CLU: variants seen among roughly 807,000 people sequenced by gnomAD.
CLU encodes clusterin.
CLU carries 25 observed loss-of-function variants against 46.4 expected under a neutral mutation model. That is an observed-to-expected ratio of 0.54 (90% CI 0.39 to 0.75). The LOEUF (loss-of-function observed/expected upper bound fraction) is 0.75, where lower values mean the gene tolerates loss of function less well. CLU is among the 30% of genes least tolerant of loss of function. The pLI, the probability that CLU is intolerant of heterozygous loss-of-function variation, is 0.00. For missense variants in CLU, 504 were observed against 592.1 expected (o/e 0.85, Z 1.54); for synonymous variants, 235 against 235.1 (o/e 1.00, Z 0.00).
At chr8:27,606,280 G>A (rs895787992) in intron 4 of CLU, 74 bp downstream of exon 4, 1 of 1,536,352 alleles carries the variant, frequency 6.5e-7, no homozygotes, top group Non-Finnish European at 9.0e-7. Context: ...CTGGCATGCG[G>A]AATGAAGCAT....
chr8:27,602,780 T>C (rs1379085526), intron 6 of CLU, among the ~76,000 whole-genome samples: 3 of 152,028 alleles, frequency 2.0e-5, no homozygotes, highest in Non-Finnish European at 4.4e-5. Flanking sequence ...AGAATCTATC[T>C]CAGGTCAGGC....
At chr8:27,601,666 A>G (rs1205867405) in intron 6 of CLU, among the ~76,000 whole-genome samples, 1 of 152,246 alleles carries the variant, frequency 6.6e-6, no homozygotes, top group African/African-American at 2.4e-5. Flanking sequence ...GAGATTTTGC[A>G]TATGCTTTAG....
At chr8:27,610,695 C>T in intron 1 of CLU, 95 bp from the exon 2 acceptor site, 2 of 890,432 alleles carry the variant, frequency 2.2e-6, no homozygotes, top group Non-Finnish European at 3.8e-6. Flanking sequence ...GGCCTCACTG[C>T]CCTCAGCTGT....
At chr8:27,604,513 C>T in intron 5 of CLU, 118 bp from the exon 6 acceptor site, 5 of 891,788 alleles carry the variant, frequency 5.6e-6, no homozygotes, top group Non-Finnish European at 8.9e-6. Context: ...CACTCTGTTG[C>T]CCAGGCTGGA....
chr8:27,608,898 GGATGGT>G, intron 3 of CLU, 34 bp downstream of exon 3: 1 of 1,611,910 alleles, frequency 6.2e-7, no homozygotes, highest in Non-Finnish European at 8.5e-7. Flanking sequence ...CCCTCCAGTG[GGATGGT>G]CAAGGCAGGG....
At chr8:27,612,962 G>A (rs528288204) in intron 1 of CLU, among the ~76,000 whole-genome samples, 1 of 148,586 alleles carries the variant, frequency 6.7e-6, no homozygotes, top group African/African-American at 2.5e-5. Context: ...GCGGGGGGTG[G>A]GGGGCAGGGG....
At chr8:27,604,072 C>T (rs578075709) in intron 6 of CLU, 25 of 577,836 alleles carry the variant, frequency 4.3e-5, no homozygotes, top group African/African-American at 3.5e-4. Flanking sequence ...GACATCTCAC[C>T]GACTTCAGGG....
At position 27,599,489 on chromosome 8, in the gene CLU, A is replaced by G; in HGVS notation, c.1164+291T>C. On this transcript the variant is annotated intron_variant, in intron 7 of 8. Transcript: ENST00000316403. This position sits in a 1 kb window ranked among gnomAD's most constrained non-coding sequence, Gnocchi z 4.0. ...AGATTTGTGCACCAAAACAAAAACA[A>G]CAACAACAAAATACAGGCTTGGCAG... The G allele has an allele frequency of 2.3e-6, 1 of 433,898 alleles. No homozygotes were observed. 26.9% of individuals were successfully genotyped at this position (433,898 alleles called of 1,614,324 possible).
At chr8:27,598,368 C>A in intron 8 of CLU, 92 bp downstream of exon 8, 1 of 1,597,504 alleles carries the variant, frequency 6.3e-7, no homozygotes, top group African/African-American at 1.3e-5. Context: ...TCGTTCCCAC[C>A]AGGCTATAGA....
intron 6 of CLU, among the ~76,000 whole-genome samples, chr8:27,602,164 G>A (rs1008234096): frequency 6.6e-6 from 1 of 152,100 alleles, no homozygotes; most frequent in Non-Finnish European, 1.5e-5. Flanking sequence ...CTCTACTGGG[G>A]TGACGCTGTC....
chr8:27,614,348 T>G, intron 1 of CLU: 1 of 209,646 alleles, frequency 4.8e-6, no homozygotes, highest in Non-Finnish European at 9.6e-6. Flanking sequence ...ACGCGGCAGG[T>G]CTCCAGGTCT....
intron 3 of CLU, 112 bp downstream of exon 3, chr8:27,608,826 C>T (rs957257028): frequency 6.2e-6 from 7 of 1,120,710 alleles, no homozygotes; most frequent in African/African-American, 1.5e-5. Context: ...CTGACACAGC[C>T]TGGGAGGACT....
chr8:27,606,062 A>C (rs1231107474), intron 4 of CLU, among the ~76,000 whole-genome samples: 1 of 152,054 alleles, frequency 6.6e-6, no homozygotes, highest in African/African-American at 2.4e-5. Context: ...AAATTCTTAA[A>C]TCCTTCCACA....
intron 7 of CLU, 113 bp from the exon 8 acceptor site, chr8:27,598,748 C>T: frequency 2.0e-6 from 2 of 991,612 alleles, no homozygotes; most frequent in East Asian, 4.9e-5. Context: ...TCCAAGGAAA[C>T]CTAGAGAGCT....
At chr8:27,608,751 C>T (rs997564369) in intron 3 of CLU, 187 bp downstream of exon 3, 7 of 667,776 alleles carry the variant, frequency 1.0e-5, no homozygotes, top group South Asian at 3.5e-5. Context: ...TCCAAGATCT[C>T]ACTCCCTGAT....
intron 3 of CLU, chr8:27,608,462 C>G (rs1052585350): frequency 7.1e-5 from 14 of 198,544 alleles, no homozygotes; most frequent in Non-Finnish European, 2.1e-5. Flanking sequence ...TCATTAAGCA[C>G]AGGCTAGACC....
At chr8:27,606,636 G>A in intron 3 of CLU, 112 bp from the exon 4 acceptor site, 1 of 1,298,596 alleles carries the variant, frequency 7.7e-7, no homozygotes, top group Non-Finnish European at 1.1e-6. Context: ...CCATAGGCTG[G>A]CCACCCAGCA....
rs769640827 is a variant in CLU at position 27,597,091 on chromosome 8, C to T, written c.*1150G>A. On this transcript the variant is annotated 3_prime_UTR_variant, in exon 9 of 9. Coordinates refer to ENST00000316403, the MANE Select transcript of CLU (RefSeq NM_001831.4). ...GCCATGCTAAAATACTTACCTTGGA[C>T]ATAAGCTAAGCTTTAAGTTTGTTGT... 1.3e-5 allele frequency: 6 copies of T among 453,970 alleles called. No individual in the cohort carries two copies. Among genetic ancestry groups the T allele is most frequent in the South Asian group, 9.3e-5 (6 of 64,474 alleles). The allele number at this position is 453,970 out of a possible 1,614,324, so 28.1% of individuals were successfully genotyped here. A position where few individuals can be genotyped will look rare whatever the true frequency, so the allele number is the denominator to read the frequency against.
At chr8:27,606,873 G>T (rs917308043) in intron 3 of CLU, among the ~76,000 whole-genome samples, 1 of 152,190 alleles carries the variant, frequency 6.6e-6, no homozygotes, top group Non-Finnish European at 1.5e-5. Context: ...TCTGCTTCTG[G>T]TGTTTAAATT....
Sources: allele counts gnomAD v4.1 joint callset (sites outside exome capture counted in the v4.1 genomes callset), GRCh38; gene constraint gnomAD v4.1.1; non-coding constraint Gnocchi (gnomAD v3.1); transcripts MANE v1.5; gene names NCBI Gene and HGNC (gene_info 2026-07-23, HGNC 2026-07-21).